Variants in MARCO observed in about 807,000 individuals in gnomAD.
The protein encoded by MARCO is macrophage receptor with collagenous structure.
MARCO carries 72 observed loss-of-function variants against 70.0 expected under a neutral mutation model. The observed-to-expected ratio is 1.03, with a 90% CI of 0.85 to 1.25. The LOEUF (loss-of-function observed/expected upper bound fraction) is 1.25, where lower values mean the gene tolerates loss of function less well. Ranked by LOEUF, MARCO falls within the 50% of genes most tolerant of loss-of-function variation. The pLI, the probability that MARCO is intolerant of heterozygous loss-of-function variation, is 0.00. For synonymous variants in MARCO, 273 were observed against 243.1 expected (o/e 1.12, Z -1.14); for missense variants, 696 against 659.3 (o/e 1.06, Z -0.61).
chr2:118,949,818 A>C (rs1364240743), intron 1 of MARCO: 1 of 152,196 alleles, frequency 6.6e-6, no homozygotes, highest in Non-Finnish European at 1.5e-5. Flanking sequence ...GGTCCTTCCA[A>C]GGCTGGCCCG....
chr2:118,945,686 T>G (rs1037081071), intron 1 of MARCO, among the ~76,000 whole-genome samples: 3 of 152,180 alleles, frequency 2.0e-5, no homozygotes, highest in African/African-American at 7.2e-5. Flanking sequence ...GTGCTGGAAT[T>G]ACAGGCATGA....
intron 1 of MARCO, among the ~76,000 whole-genome samples, chr2:118,956,877 C>T (rs1286996364): frequency 6.6e-6 from 1 of 152,050 alleles, no homozygotes; most frequent in South Asian, 2.1e-4. Flanking sequence ...AATTAAATAA[C>T]CTGCTACTGA....
Position 118,977,332 on chromosome 2 carries a change from G to C in MARCO, c.614-139G>C, listed in dbSNP as rs966770999. 7.0e-6 allele frequency: 5 copies of C among 710,190 alleles called. No individual in the cohort carries two copies. In the Admixed American group the frequency reaches 8.4e-5, roughly 12 times the overall value. The allele number at this position is 710,190 out of a possible 1,614,324, so 44.0% of individuals were successfully genotyped here. A position where few individuals can be genotyped will look rare whatever the true frequency, so the allele number is the denominator to read the frequency against. The stretch of plus-strand genomic sequence containing the variant: ...TGTGTGTGAAAAAGAGAGAGAGAGA[G>C]AGAGTGAGAGTGAGAGAGAGAGAAA... On this transcript the variant is annotated intron_variant, in intron 6 of 16. Coordinates refer to ENST00000327097, the MANE Select transcript of MARCO (RefSeq NM_006770.4).
intron 1 of MARCO, among the ~76,000 whole-genome samples, chr2:118,946,739 A>T (rs1437111176): frequency 1.3e-5 from 2 of 152,192 alleles, no homozygotes; most frequent in Non-Finnish European, 2.9e-5. Flanking sequence ...GAAGTAGTCG[A>T]TATATTTTCC....
intron 8 of MARCO, among the ~76,000 whole-genome samples, chr2:118,979,563 C>T (rs573337470): frequency 6.6e-6 from 1 of 152,204 alleles, no homozygotes; most frequent in Non-Finnish European, 1.5e-5. Context: ...GGGGCCTCAG[C>T]CAGGTCTTTG....
chr2:118,994,011 C>T (rs929335118), intron 16 of MARCO, among the ~76,000 whole-genome samples: 3 of 152,106 alleles, frequency 2.0e-5, no homozygotes, highest in Admixed American at 6.5e-5. Context: ...TAGAGCAGGG[C>T]GATGGCTTGA....
chr2:118,991,705 C>G (rs1302053568), intron 13 of MARCO, 72 bp from the exon 14 acceptor site: 15 of 818,092 alleles, frequency 1.8e-5, no homozygotes, highest in Non-Finnish European at 2.5e-5. Flanking sequence ...ATTTATTAAA[C>G]AGTAATGCCC....
At chr2:118,985,741 A>G (rs1680472725) in intron 12 of MARCO, among the ~76,000 whole-genome samples, 1 of 152,234 alleles carries the variant, frequency 6.6e-6, no homozygotes, top group Admixed American at 6.5e-5. Context: ...GCTTGTAATC[A>G]TGACATTTCT....
intron 12 of MARCO, among the ~76,000 whole-genome samples, chr2:118,983,277 G>A (rs1042413022): frequency 6.6e-6 from 1 of 152,194 alleles, no homozygotes; most frequent in African/African-American, 2.4e-5. Context: ...AGAAGGTCAC[G>A]CTTGTGTCAG....
Position 118,994,637 on chromosome 2 carries a change from T to G in MARCO, c.*117T>G. The G allele has an allele frequency of 4.0e-6, 4 of 1,003,852 alleles. No homozygotes were observed. Among genetic ancestry groups the G allele is most frequent in the Non-Finnish European group, 5.7e-6 (4 of 697,144 alleles). 62.2% of individuals were successfully genotyped at this position (1,003,852 alleles called of 1,614,324 possible). On this transcript the variant is annotated 3_prime_UTR_variant, in exon 17 of 17. Coordinates refer to ENST00000327097, the MANE Select transcript of MARCO (RefSeq NM_006770.4). ...CTGAGCAGCCTCTGGAGAGGGGCCA[T>G]TAATAAAGCTCAACATCATTGGCTG...
intron 6 of MARCO, among the ~76,000 whole-genome samples, chr2:118,976,233 A>G (rs924332248): frequency 1.3e-5 from 2 of 152,076 alleles, no homozygotes; most frequent in African/African-American, 4.8e-5. Context: ...AAACCAGGCA[A>G]CCCCTTTTTC....
intron 1 of MARCO, among the ~76,000 whole-genome samples, chr2:118,967,807 C>T (rs1003349140): frequency 2.0e-5 from 3 of 152,170 alleles, no homozygotes; most frequent in Non-Finnish European, 4.4e-5. Flanking sequence ...TTAAAACCCA[C>T]CTGCCCCTAT....
At chr2:118,993,070 C>T (rs980901824) in intron 15 of MARCO, 54 bp from the exon 16 acceptor site, 2 of 1,530,910 alleles carry the variant, frequency 1.3e-6, no homozygotes, top group Admixed American at 1.7e-5. Flanking sequence ...CCCGCACTTA[C>T]CCAAAGCCCC....
At chr2:118,966,424 GA>G (rs1279356945) in intron 1 of MARCO, among the ~76,000 whole-genome samples, 1 of 152,096 alleles carries the variant, frequency 6.6e-6, no homozygotes, top group Non-Finnish European at 1.5e-5. Context: ...TACCCTCTAA[GA>G]GATGAAATGA....
chr2:118,989,115 AG>A (rs1680574309), intron 12 of MARCO, among the ~76,000 whole-genome samples: 1 of 152,168 alleles, frequency 6.6e-6, no homozygotes, highest in Non-Finnish European at 1.5e-5. Flanking sequence ...CTTGGGAGAA[AG>A]GATATCTTGT....
chr2:118,966,190 A>T (rs1680044046), intron 1 of MARCO, among the ~76,000 whole-genome samples: 2 of 152,108 alleles, frequency 1.3e-5, no homozygotes. Context: ...TTGAAAAATT[A>T]TTTTTATTTC....
At chr2:118,990,684 T>G (rs745423205) in intron 13 of MARCO, 51 bp downstream of exon 13, 2 of 1,555,278 alleles carry the variant, frequency 1.3e-6, no homozygotes. Flanking sequence ...GGGGAAGGCC[T>G]GCCTTCTCAG....
intron 1 of MARCO, among the ~76,000 whole-genome samples, chr2:118,960,952 A>G (rs1679933912): frequency 6.6e-6 from 1 of 151,964 alleles, no homozygotes; most frequent in African/African-American, 2.4e-5. Flanking sequence ...ACGTGTTCTC[A>G]TTGTTCAGCT....
rs140866852 is a variant in MARCO at position 118,974,382 on chromosome 2, G to T, written c.510G>T (p.Pro170=). 7 of 1,610,914 alleles carry T rather than the reference G, an allele frequency of 4.3e-6. No individual in the cohort carries two copies. The highest frequency in any genetic ancestry group is 2.7e-5 in the African/African-American group (2 of 74,882). Residue 170 remains proline (P), a synonymous_variant, in exon 5 of 17, where the codon CCG becomes CCT. Transcript: ENST00000327097. ...GAMGMPGAPG[P]PGPPAEKGAK... ...TGGGCATGCCTGGTGCCCCTGGCCC[G>T]CCGGGACCACCTGCTGAGAAGGGAG...
Sources: gnomAD v4.1 joint callset for allele counts (sites outside exome capture counted in the v4.1 genomes callset) on GRCh38, gnomAD v4.1.1 for gene constraint, MANE v1.5 for transcripts, NCBI Gene and HGNC (gene_info 2026-07-23, HGNC 2026-07-21) for gene names.